The following MAMDC2 variants were observed in gnomAD, a reference collection of about 807,000 sequenced individuals.
The protein encoded by MAMDC2 is MAM domain-containing protein 2.
Under a neutral mutation model 89.8 loss-of-function variants are expected in MAMDC2, and 57 were observed. That is an observed-to-expected ratio of 0.63 (90% confidence interval 0.51 to 0.79). The LOEUF (loss-of-function observed/expected upper bound fraction) is 0.79. Ranked by LOEUF, MAMDC2 falls within the 30% of genes least tolerant of loss-of-function variation. The pLI is 0.00. For synonymous variants in MAMDC2, 313 were observed against 293.4 expected (o/e 1.07, Z -0.68); for missense variants, 800 against 820.6 (o/e 0.97, Z 0.31).
intron 10 of MAMDC2, 111 bp downstream of exon 10, chr9:70,168,906 T>C: frequency 2.3e-6 from 2 of 878,880 alleles, no homozygotes; most frequent in Non-Finnish European, 3.6e-6. Flanking sequence ...TTGCTTTTGT[T>C]GACAAAGTGT....
chr9:70,097,902 TC>T (rs1343142922), intron 2 of MAMDC2, among the ~76,000 whole-genome samples: 2 of 152,168 alleles, frequency 1.3e-5, no homozygotes, highest in Non-Finnish European at 2.9e-5. Flanking sequence ...ATTAGGGGCT[TC>T]ACATGGCAAG....
chr9:70,081,474 C>T (rs1827652354), intron 2 of MAMDC2: 1 of 152,064 alleles, frequency 6.6e-6, no homozygotes, highest in Non-Finnish European at 1.5e-5. Context: ...TGCCAGGTCT[C>T]CATGCACCAA....
At chr9:70,165,343 G>A (rs1402848442) in intron 9 of MAMDC2, among the ~76,000 whole-genome samples, 1 of 152,102 alleles carries the variant, frequency 6.6e-6, no homozygotes. Context: ...CAAAATAAGC[G>A]CTGACATGAT....
Position 70,126,329 on chromosome 9 carries a change from T to C in MAMDC2, c.814T>C (p.Tyr272His), listed in dbSNP as rs1563965666. 1.2e-6 allele frequency: 2 copies of C among 1,614,176 alleles called. No individual in the cohort carries two copies. The highest frequency in any genetic ancestry group is 1.7e-6 in the Non-Finnish European group (2 of 1,180,024). The change falls in exon 6 of 14, where the codon TAC becomes CAC. Residue 272 changes from tyrosine to histidine, a missense_variant. Tyr to His is a moderately conservative substitution (Grantham distance 83). Transcript: ENST00000377182. ...TTACACTCGGGATGTGGCTGGCCTT[T>C]ACGAGGAAATCTGGAAAGCAGACAG... ...SLYTRDVAGL[Y>H]EEIWKADRPG...
intron 12 of MAMDC2, among the ~76,000 whole-genome samples, chr9:70,222,620 C>T (rs1455948509): frequency 6.6e-6 from 1 of 152,174 alleles, no homozygotes; most frequent in Non-Finnish European, 1.5e-5. Flanking sequence ...CAGAAACTGA[C>T]TCACTATTGA....
intron 2 of MAMDC2, among the ~76,000 whole-genome samples, chr9:70,064,149 A>G (rs1827211779): frequency 6.6e-6 from 1 of 152,044 alleles, no homozygotes; most frequent in Admixed American, 6.5e-5. Flanking sequence ...TTAAAACAAT[A>G]TAAGGACATA....
chr9:70,095,448 A>T (rs1187234193), intron 2 of MAMDC2, among the ~76,000 whole-genome samples: 1 of 152,166 alleles, frequency 6.6e-6, no homozygotes, highest in East Asian at 1.9e-4. Context: ...TTTGAGAGAA[A>T]TTTTCAAAAT....
intron 2 of MAMDC2, among the ~76,000 whole-genome samples, chr9:70,050,820 C>T (rs944085220): frequency 6.6e-6 from 1 of 152,160 alleles, no homozygotes; most frequent in Non-Finnish European, 1.5e-5. Context: ...TTATTTGGCT[C>T]TAGTTTAAGC....
intron 10 of MAMDC2, among the ~76,000 whole-genome samples, chr9:70,169,121 C>T (rs1448576856): frequency 6.6e-6 from 1 of 152,080 alleles, no homozygotes; most frequent in Non-Finnish European, 1.5e-5. Flanking sequence ...ATTACTATTA[C>T]TGTTGTTTTT....
intron 2 of MAMDC2, among the ~76,000 whole-genome samples, chr9:70,104,159 T>G (rs1563955510): frequency 6.6e-6 from 1 of 152,178 alleles, no homozygotes; most frequent in Non-Finnish European, 1.5e-5. Context: ...TTTTCCAAAG[T>G]AGATGTACAT....
intron 5 of MAMDC2, 38 bp downstream of exon 5, chr9:70,113,170 A>G: frequency 1.2e-6 from 2 of 1,608,808 alleles, no homozygotes; most frequent in South Asian, 2.2e-5. Context: ...TCCCAGGATA[A>G]ATTTTTCTGC....
chr9:70,127,291 G>A (rs888405555), intron 6 of MAMDC2, among the ~76,000 whole-genome samples: 7 of 152,154 alleles, frequency 4.6e-5, no homozygotes, highest in African/African-American at 7.2e-5. Context: ...AGAGAACTCC[G>A]TAACTAAGTT....
chr9:70,119,971 G>C (rs952191459), intron 5 of MAMDC2, among the ~76,000 whole-genome samples: 3 of 152,226 alleles, frequency 2.0e-5, no homozygotes, highest in African/African-American at 7.2e-5. Context: ...ACAGGGATGA[G>C]CAACTCTCTG....
At chr9:70,107,513 C>G (rs1358622551) in intron 2 of MAMDC2, among the ~76,000 whole-genome samples, 1 of 152,094 alleles carries the variant, frequency 6.6e-6, no homozygotes, top group Non-Finnish European at 1.5e-5. Context: ...CAGTGCTTTC[C>G]CAGCCCTGTG....
intron 12 of MAMDC2, among the ~76,000 whole-genome samples, chr9:70,219,224 G>A (rs1320872511): frequency 6.6e-6 from 1 of 152,150 alleles, no homozygotes; most frequent in East Asian, 1.9e-4. Flanking sequence ...TAGTAGGTAG[G>A]GGCTGAACAG....
chr9:70,152,297 G>A (rs914802743), intron 9 of MAMDC2, among the ~76,000 whole-genome samples: 10 of 151,356 alleles, frequency 6.6e-5, no homozygotes, highest in African/African-American at 2.4e-4. Context: ...GTTTCCCTCA[G>A]ACCATTCTAG....
At chr9:70,141,339 C>A (rs1341884508) in intron 8 of MAMDC2, among the ~76,000 whole-genome samples, 6 of 152,176 alleles carry the variant, frequency 3.9e-5, no homozygotes, top group Non-Finnish European at 8.8e-5. Context: ...ACCATACTCT[C>A]AGTTTGTCAA....
At chr9:70,123,622 C>T (rs1041417154) in intron 5 of MAMDC2, among the ~76,000 whole-genome samples, 6 of 152,156 alleles carry the variant, frequency 3.9e-5, no homozygotes, top group Admixed American at 1.3e-4. Flanking sequence ...AGAATGTGAC[C>T]TTGCTTGGAC....
chr9:70,067,568 G>C (rs1055292608), intron 2 of MAMDC2, among the ~76,000 whole-genome samples: 1 of 152,176 alleles, frequency 6.6e-6, no homozygotes, highest in African/African-American at 2.4e-5. Context: ...AGGACAAAAA[G>C]TGTACAGTGA....
Sources: allele counts gnomAD v4.1 joint callset (sites outside exome capture counted in the v4.1 genomes callset), GRCh38; gene constraint gnomAD v4.1.1; transcripts MANE v1.5; gene names NCBI Gene and HGNC (gene_info 2026-07-23, HGNC 2026-07-21).